The following UBL7 variants were observed in gnomAD, a reference collection of about 807,000 sequenced individuals.
UBL7 encodes the protein ubiquitin like 7.
In UBL7, 21 loss-of-function variants were observed where a neutral mutation model predicts 41.7. The ratio of observed to expected loss-of-function variants is 0.50; its 90% CI spans 0.36 to 0.73. The LOEUF is 0.73. Among genes scored for constraint, UBL7 ranks in the 30% least tolerant of loss-of-function variants. UBL7 has a pLI of 0.00. For missense variants in UBL7, 403 were observed against 478.4 expected (o/e 0.84, Z 1.47); for synonymous variants, 157 against 186.9 (o/e 0.84, Z 1.31).
chr15:74,452,273 T>TG (rs909738165), intron 4 of UBL7, 23 bp downstream of exon 4: 1 of 1,549,858 alleles, frequency 6.5e-7, no homozygotes, highest in South Asian at 1.2e-5. Context: ...CAGTCCTGGC[T>TG]GGGGGCCGCA....
chr15:74,456,301 C>CA (rs896073115), intron 3 of UBL7, among the ~76,000 whole-genome samples: 2 of 151,896 alleles, frequency 1.3e-5, no homozygotes, highest in African/African-American at 2.4e-5. Flanking sequence ...GAGACTGTCT[C>CA]AAAAAAACCA....
At chr15:74,453,668 A>T (rs2061270312) in intron 3 of UBL7, among the ~76,000 whole-genome samples, 1 of 152,244 alleles carries the variant, frequency 6.6e-6, no homozygotes, top group African/African-American at 2.4e-5. Context: ...ACAGCAGGTT[A>T]AGGTGACGTC....
intron 2 of UBL7, among the ~76,000 whole-genome samples, chr15:74,457,030 C>G (rs142106108): frequency 6.6e-6 from 1 of 152,156 alleles, no homozygotes; most frequent in South Asian, 2.1e-4. Flanking sequence ...AGACTAGTCT[C>G]TTAACTCCTG....
At chr15:74,450,946 T>C (rs1426315693) in intron 5 of UBL7, 87 bp from the exon 6 acceptor site, 24 of 1,390,280 alleles carry the variant, frequency 1.7e-5, no homozygotes, top group Middle Eastern at 1.8e-4. Context: ...AGCAACCAGC[T>C]CAACAGGGAC....
At chr15:74,456,417 A>G in intron 3 of UBL7, 135 bp downstream of exon 3, 1 of 1,209,402 alleles carries the variant, frequency 8.3e-7, no homozygotes, top group Non-Finnish European at 1.2e-6. Flanking sequence ...CCAATAAGTA[A>G]TAAAGATATC....
intron 9 of UBL7, 24 bp downstream of exon 9, chr15:74,449,162 A>G (rs1463707476): frequency 6.6e-7 from 1 of 1,520,824 alleles, no homozygotes; most frequent in African/African-American, 1.4e-5. Flanking sequence ...CCCAGCCTTG[A>G]TCTTCCCGGC....
Position 74,449,938 on chromosome 15 carries a change from G to A in UBL7, c.662C>T (p.Pro221Leu). 6.2e-7 allele frequency: 1 copy of A among 1,610,824 alleles called. No homozygotes were observed. The highest frequency in any genetic ancestry group is 8.5e-7 in the Non-Finnish European group (1 of 1,178,700). The change falls in exon 7 of 11, where the codon CCA becomes CTA. Residue 221 changes from proline to leucine, a missense_variant and splice_region_variant. By Grantham distance (98) the Pro-to-Leu change is moderately conservative. Coordinates refer to ENST00000395081, the MANE Select transcript of UBL7 (RefSeq NM_032907.5). ...CATTACACTTTTCAGGCGCTCACCT[G>A]GCATATCCCGGTATGAGCTGGAGGG... ...SMPSSSYRDMPGGFLFEGLSD... is the reference protein window; with the variant it reads ...SMPSSSYRDMLGGFLFEGLSD...
chr15:74,447,600 G>A (rs1380881384), intron 10 of UBL7, among the ~76,000 whole-genome samples: 2 of 152,070 alleles, frequency 1.3e-5, no homozygotes, highest in Non-Finnish European at 2.9e-5. Context: ...CCAGCTACCC[G>A]GGAGGCTGAG....
chr15:74,450,918 A>C, intron 5 of UBL7, 59 bp from the exon 6 acceptor site: 1 of 1,594,600 alleles, frequency 6.3e-7, no homozygotes, highest in South Asian at 1.1e-5. Flanking sequence ...AGGAGGGAGA[A>C]GAGGCTTTGC....
intron 1 of UBL7, 127 bp from the exon 2 acceptor site, chr15:74,459,023 A>G: frequency 1.2e-6 from 1 of 839,572 alleles, no homozygotes; most frequent in East Asian, 2.7e-5. Context: ...GCGTACCATC[A>G]GGAGGCCAGA....
At chr15:74,456,721 A>G (rs751932174) in intron 2 of UBL7, 50 bp from the exon 3 acceptor site, 23 of 1,588,198 alleles carry the variant, frequency 1.4e-5, no homozygotes, top group African/African-American at 8.1e-5. Context: ...ACAAATTTAC[A>G]TGGTTTTTGT....
At chr15:74,455,971 A>C (rs907546583) in intron 3 of UBL7, among the ~76,000 whole-genome samples, 2 of 152,006 alleles carry the variant, frequency 1.3e-5, no homozygotes, top group African/African-American at 2.4e-5. Flanking sequence ...AAAAAACACA[A>C]AAAAAATTAG....
At chr15:74,460,776 C>A in intron 1 of UBL7, 1 of 1,273,262 alleles carries the variant, frequency 7.9e-7, no homozygotes, top group Non-Finnish European at 1.0e-6. Flanking sequence ...TCCAAAGAGA[C>A]CTCTGATAGA....
intron 3 of UBL7, among the ~76,000 whole-genome samples, chr15:74,454,460 G>A (rs561858292): frequency 2.0e-5 from 3 of 152,164 alleles, no homozygotes; most frequent in South Asian, 2.1e-4. Flanking sequence ...ATACAATGGC[G>A]TGATCTCGGC....
At chr15:74,459,009 T>G in intron 1 of UBL7, 113 bp from the exon 2 acceptor site, 1 of 1,002,690 alleles carries the variant, frequency 1.0e-6, no homozygotes, top group Non-Finnish European at 1.5e-6. Flanking sequence ...TGAAGAGGCA[T>G]AGGGCGTACC....
intron 1 of UBL7, among the ~76,000 whole-genome samples, chr15:74,460,450 C>T (rs1394609257): frequency 6.6e-6 from 1 of 152,180 alleles, no homozygotes; most frequent in African/African-American, 2.4e-5. Context: ...GCTCATCTAA[C>T]TCTGCATGTA....
chr15:74,458,932 G>A (rs565736744), intron 1 of UBL7, 36 bp from the exon 2 acceptor site: 121 of 1,584,584 alleles, frequency 7.6e-5, no homozygotes, highest in Admixed American at 4.5e-4. Context: ...TTAAAAGACA[G>A]ACCACCACTC....
At chr15:74,453,059 C>T (rs916238352) in intron 3 of UBL7, among the ~76,000 whole-genome samples, 12 of 152,204 alleles carry the variant, frequency 7.9e-5, no homozygotes, top group African/African-American at 2.9e-4. Flanking sequence ...AGGACCACTA[C>T]TTGTGACTGT....
chr15:74,451,373 G>A (rs1203294082), intron 5 of UBL7, 63 bp downstream of exon 5: 2 of 1,403,634 alleles, frequency 1.4e-6, no homozygotes, highest in Non-Finnish European at 2.0e-6. Context: ...TAGAGGAATT[G>A]TCTTCTCCTG....
Sources: allele counts gnomAD v4.1 joint callset (sites outside exome capture counted in the v4.1 genomes callset), GRCh38; gene constraint gnomAD v4.1.1; transcripts MANE v1.5; gene names NCBI Gene and HGNC (gene_info 2026-07-23, HGNC 2026-07-21).